Variants in LRRC7 observed in about 807,000 individuals in gnomAD.
LRRC7 encodes the protein leucine-rich repeat-containing protein 7.
A neutral mutation model predicts 175.7 loss-of-function variants in LRRC7; 23 were observed. The observed-to-expected ratio is 0.13, with a 90% CI of 0.09 to 0.19. LRRC7 has a LOEUF of 0.19. LRRC7 is among the 10% of genes least tolerant of loss of function. The probability of loss-of-function intolerance (pLI) is 1.00; values close to 1 mark genes in which losing one functional copy is unlikely to be tolerated. For missense variants in LRRC7, 1,354 were observed against 1,904.7 expected, an observed-to-expected ratio of 0.71 and a Z score of 5.38; for synonymous variants, 685 against 680.9, an observed-to-expected ratio of 1.01 and a Z score of -0.09.
chr1:69,635,190 T>A (rs1570082687), intron 1 of LRRC7, among the ~76,000 whole-genome samples: 1 of 152,096 alleles, frequency 6.6e-6, no homozygotes, highest in Non-Finnish European at 1.5e-5. Flanking sequence ...TGGTTTTCTG[T>A]TCCTGTGTTC....
chr1:69,858,589 A>T (rs1376958836), intron 7 of LRRC7, among the ~76,000 whole-genome samples: 2 of 151,858 alleles, frequency 1.3e-5, no homozygotes, highest in Non-Finnish European at 2.9e-5. Flanking sequence ...TTGTGGCAGG[A>T]CCTCTGGATT....
intron 2 of LRRC7, among the ~76,000 whole-genome samples, chr1:69,684,194 C>T (rs775209007): frequency 1.3e-5 from 2 of 152,146 alleles, no homozygotes; most frequent in Non-Finnish European, 2.9e-5. Context: ...CTCTGAGCAG[C>T]AAGAACTCCC....
intron 4 of LRRC7, among the ~76,000 whole-genome samples, chr1:69,815,948 C>CTTTATTTA (rs61408208): frequency 1.4e-3 from 212 of 147,522 alleles, no homozygotes; most frequent in Middle Eastern, 0.014. Flanking sequence ...TCTCTAGAAC[C>CTTTATTTA]TTTATTTATT....
At chr1:69,779,109 A>G (rs1328056944) in intron 3 of LRRC7, among the ~76,000 whole-genome samples, 1 of 152,108 alleles carries the variant, frequency 6.6e-6, no homozygotes, top group Admixed American at 6.6e-5. Flanking sequence ...ATTCAGGCTA[A>G]TTGTTCACAT....
intron 3 of LRRC7, among the ~76,000 whole-genome samples, chr1:69,778,925 C>G (rs1482147117): frequency 6.9e-6 from 1 of 145,086 alleles, no homozygotes; most frequent in Non-Finnish European, 1.5e-5. Flanking sequence ...TACACACACA[C>G]ACTCATATAT....
rs1346253495 is a variant in LRRC7, at chr1:70,139,838, CT to C, written c.*17953del. The C allele has an allele frequency of 6.6e-6, 1 of 152,070 alleles. No homozygotes were observed. Among genetic ancestry groups the C allele is most frequent in the Non-Finnish European group, 1.5e-5 (1 of 67,996 alleles). 9.4% of individuals were successfully genotyped at this position (152,070 alleles called of 1,614,324 possible). A position where few individuals can be genotyped will look rare whatever the true frequency, so the allele number is the denominator to read the frequency against. On this transcript the variant is annotated 3_prime_UTR_variant, in exon 27 of 27. Transcript: ENST00000651989. ...TCAGATTATGCTGAAACTCCAAATC[CT>C]TGTTAAAGGTTTTCCTGGACTCCTA...
intron 1 of LRRC7, among the ~76,000 whole-genome samples, chr1:69,623,517 GCTTAC>G (rs559459014): frequency 6.7e-6 from 1 of 148,280 alleles, no homozygotes; most frequent in East Asian, 2.0e-4. Flanking sequence ...AGTTGATTTT[GCTTAC>G]CTTAAGGCAA....
At position 69,960,688 on chromosome 1, in the gene LRRC7, A is replaced by C. The variant is rs150152625; in HGVS notation, c.712-19691A>C. On this transcript the variant is annotated intron_variant, in intron 8 of 26. Coordinates refer to ENST00000651989, the MANE Select transcript of LRRC7 (RefSeq NM_001370785.2). ...AGAGTTTCTGGTATGCGAATCAATAAATGTGATTCATCACATAAACAGAAC... is the reference window on the plus strand; with the variant it reads ...AGAGTTTCTGGTATGCGAATCAATACATGTGATTCATCACATAAACAGAAC... Among the ~76,000 whole-genome samples the C allele has an allele frequency of 7.4e-3, 1,133 of 152,166 alleles. 11 individuals are homozygous for C. Among genetic ancestry groups the C allele is most frequent in the African/African-American group, 0.025 (1,042 of 41,516 alleles).
intron 25 of LRRC7, among the ~76,000 whole-genome samples, chr1:70,092,067 C>T (rs1664069721): frequency 1.3e-5 from 2 of 152,098 alleles, no homozygotes; most frequent in South Asian, 4.1e-4. Flanking sequence ...ATTCAGTCCA[C>T]TCACAAGGAA....
intron 2 of LRRC7, among the ~76,000 whole-genome samples, chr1:69,751,561 C>A (rs1182950288): frequency 6.6e-6 from 1 of 152,058 alleles, no homozygotes; most frequent in Non-Finnish European, 1.5e-5. Flanking sequence ...TGAAGGAAAG[C>A]ACAATGTCTA....
intron 4 of LRRC7, among the ~76,000 whole-genome samples, chr1:69,810,081 A>G (rs1447046568): frequency 6.6e-6 from 1 of 152,230 alleles, no homozygotes; most frequent in Non-Finnish European, 1.5e-5. Flanking sequence ...AAGTCTCAGG[A>G]TACAAAATCA....
intron 1 of LRRC7, among the ~76,000 whole-genome samples, chr1:69,625,592 T>A (rs1265078590): frequency 6.6e-6 from 1 of 151,768 alleles, no homozygotes; most frequent in Non-Finnish European, 1.5e-5. Context: ...TATTTTTAAT[T>A]AATATATTCA....
At chr1:69,865,583 C>T (rs1284363942) in intron 7 of LRRC7, among the ~76,000 whole-genome samples, 1 of 143,920 alleles carries the variant, frequency 6.9e-6, no homozygotes, top group Non-Finnish European at 1.5e-5. Flanking sequence ...CGGGTTCACG[C>T]CATTCTCCTG....
chr1:70,086,176 T>C (rs918689601), intron 24 of LRRC7, among the ~76,000 whole-genome samples: 2 of 152,104 alleles, frequency 1.3e-5, no homozygotes, highest in Non-Finnish European at 2.9e-5. Flanking sequence ...CAGGCTGGAA[T>C]GCAGTGGCAC....
chr1:69,680,321 A>G (rs1660315427), intron 2 of LRRC7, among the ~76,000 whole-genome samples: 1 of 152,166 alleles, frequency 6.6e-6, no homozygotes, highest in Non-Finnish European at 1.5e-5. Flanking sequence ...ATCGTTATCT[A>G]TACAAAAGAG....
At chr1:69,724,227 C>T (rs747646672) in intron 2 of LRRC7, among the ~76,000 whole-genome samples, 21 of 152,108 alleles carry the variant, frequency 1.4e-4, no homozygotes, top group Non-Finnish European at 2.2e-4. Context: ...GCAAACAAAA[C>T]TGATAAAACT....
intron 1 of LRRC7, among the ~76,000 whole-genome samples, chr1:69,675,500 G>A (rs1030118851): frequency 9.9e-5 from 15 of 152,086 alleles, no homozygotes; most frequent in Non-Finnish European, 1.6e-4. Context: ...ATGAGTAAAA[G>A]TGTTTTTAAA....
At chr1:69,621,559 T>C (rs1278233967) in intron 1 of LRRC7, among the ~76,000 whole-genome samples, 1 of 152,200 alleles carries the variant, frequency 6.6e-6, no homozygotes, top group Non-Finnish European at 1.5e-5. Flanking sequence ...TGAAATATCA[T>C]AGTTGTTTAA....
chr1:69,765,731 A>C (rs1252934348), intron 3 of LRRC7, among the ~76,000 whole-genome samples: 2 of 152,050 alleles, frequency 1.3e-5, no homozygotes, highest in Non-Finnish European at 2.9e-5. Flanking sequence ...TTAATCCTTC[A>C]AATATTTTTA....
Sources: allele counts gnomAD v4.1 joint callset (sites outside exome capture counted in the v4.1 genomes callset), GRCh38; gene constraint gnomAD v4.1.1; transcripts MANE v1.5; gene names NCBI Gene and HGNC (gene_info 2026-07-23, HGNC 2026-07-21).